The following WDR27 variants were observed in gnomAD, a reference collection of about 807,000 sequenced individuals.
The protein encoded by WDR27 is WD repeat-containing protein 27.
A neutral mutation model predicts 114.4 loss-of-function variants in WDR27; 100 were observed. The observed-to-expected ratio is 0.87, with a 90% CI of 0.74 to 1.03. The LOEUF is 1.03. Among genes scored for constraint, WDR27 ranks in the 50% least tolerant of loss-of-function variants. The pLI is 0.00. For synonymous variants in WDR27, 449 were observed against 423.1 expected (o/e 1.06, Z -0.75); for missense variants, 1,129 against 1,092.9 (o/e 1.03, Z -0.47).
chr6:169,441,591 C>A, the WDR27 span, among the ~76,000 whole-genome samples: 1 of 152,198 alleles, frequency 6.6e-6, no homozygotes, highest in African/African-American at 2.4e-5. Context: ...CTTGCTGCAA[C>A]CTTAAGGCCA....
At chr6:169,525,765 T>C (rs939081528) in intron 25 of WDR27, among the ~76,000 whole-genome samples, 14 of 152,156 alleles carry the variant, frequency 9.2e-5, no homozygotes, top group African/African-American at 1.2e-4. Context: ...TAAATCAATA[T>C]ATCAAAGAGA....
intron 25 of WDR27, among the ~76,000 whole-genome samples, chr6:169,513,414 T>C (rs1032069939): frequency 6.6e-6 from 1 of 152,120 alleles, no homozygotes; most frequent in Admixed American, 6.5e-5. Flanking sequence ...TGCCCACCTC[T>C]CGAGGAAAGA....
At chr6:169,542,168 T>G (rs373264246) in intron 25 of WDR27, among the ~76,000 whole-genome samples, 28 of 152,168 alleles carry the variant, frequency 1.8e-4, no homozygotes, top group African/African-American at 3.6e-4. Context: ...AATCATCAGA[T>G]TGGTAGTTAA....
chr6:169,574,693 G>A (rs1449849704), intron 24 of WDR27, among the ~76,000 whole-genome samples: 1 of 152,202 alleles, frequency 6.6e-6, no homozygotes, highest in Admixed American at 6.5e-5. Flanking sequence ...TGAGTGTGTG[G>A]TGGGGGCCGG....
At chr6:169,646,255 G>A (rs1820722875) in intron 16 of WDR27, among the ~76,000 whole-genome samples, 1 of 152,162 alleles carries the variant, frequency 6.6e-6, no homozygotes, top group South Asian at 2.1e-4. Flanking sequence ...ACAGCAGGAT[G>A]AGCAGCAGGA....
intron 25 of WDR27, among the ~76,000 whole-genome samples, chr6:169,525,366 C>T (rs1044753684): frequency 2.0e-5 from 3 of 151,684 alleles, no homozygotes; most frequent in Admixed American, 6.6e-5. Context: ...GAAACCCCGT[C>T]TCTACTAAAA....
intron 22 of WDR27, among the ~76,000 whole-genome samples, chr6:169,607,449 G>A (rs553585602): frequency 1.0e-4 from 15 of 149,924 alleles, no homozygotes; most frequent in African/African-American, 3.7e-4. Context: ...ATTCAGCCAT[G>A]AAAAAAATGA....
chr6:169,680,578 T>C (rs866863941), intron 2 of WDR27, among the ~76,000 whole-genome samples: 2 of 152,186 alleles, frequency 1.3e-5, no homozygotes, highest in African/African-American at 4.8e-5. Context: ...CAAGACTCCA[T>C]CTCAAAAGAA....
chr6:169,679,793 G>A (rs1406358611), intron 2 of WDR27, among the ~76,000 whole-genome samples: 2 of 152,146 alleles, frequency 1.3e-5, no homozygotes, highest in Non-Finnish European at 2.9e-5. Context: ...CCAGTCTCAG[G>A]TATTTCTTTA....
chr6:169,525,019 C>T (rs1271032851), intron 25 of WDR27, among the ~76,000 whole-genome samples: 1 of 152,044 alleles, frequency 6.6e-6, no homozygotes, highest in Non-Finnish European at 1.5e-5. Context: ...AATACTTGCA[C>T]ATTATCTATC....
chr6:169,516,555 C>T (rs1426690925), intron 25 of WDR27, among the ~76,000 whole-genome samples: 1 of 152,002 alleles, frequency 6.6e-6, no homozygotes, highest in Non-Finnish European at 1.5e-5. Context: ...GTTGCTGCTT[C>T]CTGTTGGGGA....
intron 25 of WDR27, among the ~76,000 whole-genome samples, chr6:169,479,725 A>G (rs1388468533): frequency 6.6e-6 from 1 of 152,216 alleles, no homozygotes; most frequent in African/African-American, 2.4e-5. Context: ...TTTAACTTTT[A>G]TTTTAACTTC....
In WDR27 at chr6:169,506,307, T is replaced by TA. The variant is rs1474248828; in HGVS notation, c.2646-48674dup. Among the ~76,000 whole-genome samples the TA allele has an allele frequency of 9.2e-5, 14 of 152,224 alleles. 1 individual carries two copies. The highest frequency in any genetic ancestry group is 2.9e-5 in the Non-Finnish European group (2 of 68,034). On this transcript the variant is annotated intron_variant, in intron 25 of 25. Coordinates refer to ENST00000448612, the MANE Select transcript of WDR27 (RefSeq NM_182552.5). ...CATTATAATCCGTATGCCATTAAGA[T>TA]ACTCTGTCTTACCTAACAAATGTTG...
chr6:169,652,476 T>C (rs113729608), intron 13 of WDR27, among the ~76,000 whole-genome samples: 2 of 152,220 alleles, frequency 1.3e-5, no homozygotes, highest in African/African-American at 4.8e-5. Context: ...CTTGAACGCC[T>C]GACCTCGTGA....
intron 23 of WDR27, among the ~76,000 whole-genome samples, chr6:169,591,942 C>A (rs530303123): frequency 6.5e-4 from 99 of 151,784 alleles, no homozygotes; most frequent in Non-Finnish European, 1.2e-3. Context: ...CCAGGGAGTT[C>A]TGGCTTCTAT....
chr6:169,501,814 C>T (rs1165410956), intron 25 of WDR27, among the ~76,000 whole-genome samples: 1 of 152,212 alleles, frequency 6.6e-6, no homozygotes, highest in Non-Finnish European at 1.5e-5. Context: ...CTGGTGGAGA[C>T]GGGCGCGCCC....
At chr6:169,646,623 C>T (rs550718469) in intron 16 of WDR27, among the ~76,000 whole-genome samples, 2 of 152,028 alleles carry the variant, frequency 1.3e-5, no homozygotes, top group South Asian at 2.1e-4. Flanking sequence ...TGGTGCACAC[C>T]TGTAATCCTA....
At chr6:169,481,827 G>A (rs1272688042) in intron 25 of WDR27, among the ~76,000 whole-genome samples, 23 of 152,164 alleles carry the variant, frequency 1.5e-4, no homozygotes, top group Admixed American at 1.5e-3. Context: ...GTGAGACCAC[G>A]AACCCACCAG....
chr6:169,544,380 T>C (rs1472885337), intron 25 of WDR27, among the ~76,000 whole-genome samples: 2 of 151,972 alleles, frequency 1.3e-5, no homozygotes, highest in African/African-American at 4.8e-5. Flanking sequence ...TTCATCAAAG[T>C]TGCAAGATAT....
Sources: allele counts gnomAD v4.1 joint callset (sites outside exome capture counted in the v4.1 genomes callset), GRCh38; gene constraint gnomAD v4.1.1; transcripts MANE v1.5; gene names NCBI Gene and HGNC (gene_info 2026-07-23, HGNC 2026-07-21).